The following BDP1 variants were observed in gnomAD, a reference collection of about 807,000 sequenced individuals.
The protein encoded by BDP1 is transcription factor TFIIIB component B'' homolog.
In BDP1, 169 loss-of-function variants were observed where a neutral mutation model predicts 266.6. The observed-to-expected ratio is 0.63, with a 90% confidence interval of 0.56 to 0.72. BDP1 has a LOEUF of 0.72. BDP1 is among the 30% of genes least tolerant of loss of function. BDP1 has a pLI of 0.00. For missense variants in BDP1, 3,015 were observed against 3,053.8 expected (o/e 0.99, Z 0.30); for synonymous variants, 1,090 against 1,022.4 (o/e 1.07, Z -1.26).
chr5:71,500,940 A>C (rs1185187111), intron 13 of BDP1, among the ~76,000 whole-genome samples: 1 of 151,940 alleles, frequency 6.6e-6, no homozygotes, highest in African/African-American at 2.4e-5. Flanking sequence ...TCTCTACAAA[A>C]AATGAAAAAA....
intron 34 of BDP1, among the ~76,000 whole-genome samples, chr5:71,552,687 T>G (rs467880): frequency 0.011 from 1,388 of 125,770 alleles, no homozygotes; most frequent in African/African-American, 0.03. Flanking sequence ...AGGTGTGGTG[T>G]CGCGCGCCTG....
chr5:71,542,403 T>C, intron 30 of BDP1, 138 bp downstream of exon 30: 1 of 782,766 alleles, frequency 1.3e-6, no homozygotes, highest in South Asian at 2.0e-5. Context: ...AGACGAGCTA[T>C]AAAATAAATA....
downstream of BDP1, among the ~76,000 whole-genome samples, chr5:71,571,399 C>T (rs971837717): frequency 6.6e-6 from 1 of 152,190 alleles, no homozygotes; most frequent in Non-Finnish European, 1.5e-5. Flanking sequence ...CCACCCGCCT[C>T]GGCCTCCCAA....
Position 71,466,213 on chromosome 5 carries a change from T to A in BDP1, c.777T>A (p.Asp259Glu). The A allele has an allele frequency of 1.9e-6, 3 of 1,614,030 alleles. No homozygotes were observed. Among genetic ancestry groups the A allele is most frequent in the Middle Eastern group, 1.7e-4 (1 of 6,060 alleles). The stretch of plus-strand genomic sequence containing the variant: ...CAGAAGATGGTTCCATTATTTTGGA[T>A]GAAGAAAGGTATTTAGAAAAGAGAA... The part of the protein sequence containing the change: ...KVAEDGSIIL[D>E]EESLTVEVLR... The change falls in exon 5 of 39, where the codon GAT becomes GAA. Residue 259 changes from aspartate to glutamate, a missense_variant. Physicochemically the swap from Asp to Glu is conservative, Grantham distance 45 (BLOSUM62 2). This residue lies in a region of BDP1 where 2,383 missense variants were observed against 2,404.9 expected (regional missense o/e 0.99). Coordinates refer to ENST00000358731, the MANE Select transcript of BDP1 (RefSeq NM_018429.3).
rs369046194 is a variant in BDP1 at position 71,510,101 on chromosome 5, G to A, written c.3009G>A (p.Lys1003=). The change falls in exon 17 of 39, where the codon AAG becomes AAA. Residue 1003 remains lysine, a synonymous_variant. Transcript: ENST00000358731. ...SPRENGPEEV[K]PVDEMETDLN... ...GGGAAAATGGCCCAGAGGAGGTCAAGCCTGTAGATGAAATGGAGACAGATT... is the reference window on the plus strand; with the variant it reads ...GGGAAAATGGCCCAGAGGAGGTCAAACCTGTAGATGAAATGGAGACAGATT... 27 of 1,613,854 alleles carry A rather than the reference G, an allele frequency of 1.7e-5. No homozygotes were observed. The highest frequency in any genetic ancestry group is 4.0e-5 in the African/African-American group (3 of 74,856).
chr5:71,536,819 A>G (rs1766628259), intron 26 of BDP1, among the ~76,000 whole-genome samples: 1 of 152,074 alleles, frequency 6.6e-6, no homozygotes, highest in Admixed American at 6.6e-5. Flanking sequence ...CATCAGAGCA[A>G]GACTCTGTCT....
chr5:71,574,090 C>T, the BDP1 span, among the ~76,000 whole-genome samples: 3 of 152,242 alleles, frequency 2.0e-5, no homozygotes, highest in East Asian at 3.9e-4. Context: ...TGAGCTTCAT[C>T]GATCTACAAT....
intron 33 of BDP1, 38 bp from the exon 34 acceptor site, chr5:71,549,382 G>A (rs2111915146): frequency 1.3e-6 from 2 of 1,495,988 alleles, no homozygotes; most frequent in Non-Finnish European, 1.8e-6. Context: ...TTATTTCATA[G>A]TTGAGCTTTT....
rs114993010 is a variant in BDP1, at chr5:71,523,355, C to T, written c.5387+406C>T. Among the ~76,000 whole-genome samples the T allele has an allele frequency of 3.7e-3, 556 of 152,258 alleles. 4 individuals are homozygous for T. The highest frequency in any genetic ancestry group is 0.013 in the African/African-American group (524 of 41,548). ...TTTTGAGACAGTTTCACTCTTCTCG[C>T]GCAGGCTGGAGTACAATTGCGTGAC... On this transcript the variant is annotated intron_variant, in intron 24 of 38. Transcript: ENST00000358731.
intron 26 of BDP1, among the ~76,000 whole-genome samples, chr5:71,535,784 T>TG (rs1766561684): frequency 2.0e-5 from 3 of 152,246 alleles, no homozygotes; most frequent in African/African-American, 7.2e-5. Flanking sequence ...ACTTCCACCC[T>TG]CTGCCTCCAT....
intron 7 of BDP1, among the ~76,000 whole-genome samples, chr5:71,472,391 G>T (rs967489403): frequency 3.3e-5 from 5 of 152,210 alleles, no homozygotes; most frequent in African/African-American, 1.2e-4. Flanking sequence ...AACCCGGGAG[G>T]TGGAGGTTGC....
At chr5:71,482,412 T>C (rs138631773) in intron 7 of BDP1, among the ~76,000 whole-genome samples, 20 of 152,316 alleles carry the variant, frequency 1.3e-4, no homozygotes, top group African/African-American at 4.8e-4. Context: ...TGTCCTTTGC[T>C]TGAAAATAAT....
chr5:71,552,000 C>G (rs1742817047), intron 34 of BDP1, among the ~76,000 whole-genome samples: 1 of 147,900 alleles, frequency 6.8e-6, no homozygotes, highest in Non-Finnish European at 1.5e-5. Context: ...CTGGCGAGGG[C>G]TGACCCCCAC....
the BDP1 span, among the ~76,000 whole-genome samples, chr5:71,575,157 C>T: frequency 2.0e-5 from 3 of 152,178 alleles, no homozygotes; most frequent in Non-Finnish European, 4.4e-5. Flanking sequence ...CAAATGAAAA[C>T]TTTGATAACC....
chr5:71,462,846 A>G (rs939175388), intron 3 of BDP1, among the ~76,000 whole-genome samples: 6 of 152,112 alleles, frequency 3.9e-5, no homozygotes, highest in Non-Finnish European at 5.9e-5. Context: ...CAAGATTGCA[A>G]TTTTGGCCAG....
chr5:71,510,399 A>G lies in BDP1; in HGVS notation c.3307A>G (p.Asn1103Asp), dbSNP rs577104137. The change falls in exon 17 of 39, where the codon AAT becomes GAT. Residue 1103 changes from asparagine to aspartate, a missense_variant. Asn to Asp is a conservative substitution (Grantham distance 23, BLOSUM62 1). Transcript: ENST00000358731. ...TGAAAGAGAAATATCCCCACAGGAAAATGGCCTAGAGGAGGTTAAGCCTCT... is the reference window on the plus strand; with the variant it reads ...TGAAAGAGAAATATCCCCACAGGAAGATGGCCTAGAGGAGGTTAAGCCTCT... Reference protein sequence around the residue: ...ETEREISPQENGLEEVKPLGE... With the variant: ...ETEREISPQEDGLEEVKPLGE... The G allele has an allele frequency of 3.0e-5, 49 of 1,614,112 alleles. 2 individuals are homozygous for G. In the South Asian group the frequency reaches 5.3e-4, roughly 17 times the overall value.
At chr5:71,525,571 G>A (rs1264511451) in intron 25 of BDP1, among the ~76,000 whole-genome samples, 2 of 84,914 alleles carry the variant, frequency 2.4e-5, no homozygotes, top group Admixed American at 9.5e-5. Flanking sequence ...CGGATGGGGC[G>A]GCTGGCCGGG....
rs1372666005 is a variant in BDP1, at chr5:71,512,342, T to C, written c.4161T>C (p.Ser1387=). The change falls in exon 18 of 39, where the codon TCT becomes TCC. Residue 1387 remains serine (S), a synonymous_variant. Coordinates refer to ENST00000358731, the MANE Select transcript of BDP1 (RefSeq NM_018429.3). Reference sequence around the variant, plus strand: ...GTCACTTCAGTCATTTCAAGATTTCTTCACAGACTCATGAATCTGATAAAA... The same window carrying C: ...GTCACTTCAGTCATTTCAAGATTTCCTCACAGACTCATGAATCTGATAAAA... ...VSSHFSHFKI[S]SQTHESDKTE... The C allele has an allele frequency of 6.2e-7, 1 of 1,600,294 alleles. No homozygotes were observed. The highest frequency in any genetic ancestry group is 1.1e-5 in the South Asian group (1 of 87,696).
In BDP1 at chr5:71,564,775, C is replaced by T. The variant is rs1328485401; in HGVS notation, c.7765C>T (p.Leu2589=). Residue 2589 remains leucine, a synonymous_variant, in exon 39 of 39, where the codon CTG becomes TTG. Coordinates refer to ENST00000358731, the MANE Select transcript of BDP1 (RefSeq NM_018429.3). ...TTAGGTTTCTTGTGATCAGCCCTTA[C>T]TGAAAGAAGGATATAAAAGTGCCCA... ...ATQVSCDQPL[L]KEGYKSAQKR... 2.5e-6 allele frequency: 4 copies of T among 1,607,074 alleles called. No individual in the cohort carries two copies. Among genetic ancestry groups the T allele is most frequent in the African/African-American group, 1.3e-5 (1 of 74,410 alleles).
Sources: gnomAD v4.1 joint callset for allele counts (sites outside exome capture counted in the v4.1 genomes callset) on GRCh38, gnomAD v4.1.1 for gene constraint, gnomAD v4.1.1 regional missense constraint, MANE v1.5 for transcripts, NCBI Gene and HGNC (gene_info 2026-07-23, HGNC 2026-07-21) for gene names.